MTAP: variants seen among roughly 807,000 people sequenced by gnomAD.
MTAP encodes methylthioadenosine phosphorylase.
Under a neutral mutation model 33.6 loss-of-function variants are expected in MTAP, and 33 were observed. That is an observed-to-expected ratio of 0.98 (90% CI 0.74 to 1.31). The LOEUF (loss-of-function observed/expected upper bound fraction) is 1.31. Ranked by LOEUF, MTAP falls within the 40% of genes most tolerant of loss-of-function variation. The pLI, the probability that MTAP is intolerant of heterozygous loss-of-function variation, is 0.00. For missense variants in MTAP, 367 were observed against 360.0 expected, an observed-to-expected ratio of 1.02 and a Z score of -0.16; for synonymous variants, 148 against 125.7, an observed-to-expected ratio of 1.18 and a Z score of -1.19.
chr9:21,939,066 C>G (rs539474420), downstream of MTAP, among the ~76,000 whole-genome samples: 5 of 152,148 alleles, frequency 3.3e-5, no homozygotes, highest in Non-Finnish European at 7.3e-5. Flanking sequence ...TCTGGTCTTT[C>G]CCATGCTATT....
At chr9:21,837,864 C>T (rs1447083037) in intron 4 of MTAP, 44 bp from the exon 5 acceptor site, 7 of 1,547,252 alleles carry the variant, frequency 4.5e-6, no homozygotes, top group Middle Eastern at 1.7e-4. Context: ...GAAAGATGGC[C>T]TTAAAATAAA....
In MTAP at chr9:21,885,201, C is replaced by T. The variant is rs1451159685; in HGVS notation, c.147+30331C>T. 3.9e-5 allele frequency among the ~76,000 whole-genome samples: 6 copies of T among 152,218 alleles called. No individual in the cohort carries two copies. In the East Asian group the frequency reaches 1.2e-3, roughly 29 times the overall value. Reference sequence around the variant, plus strand: ...GGAAACAACAAAATCCAGCCATGCCCACCCAGAGATTTTATAGGCAAAGTA... The same window carrying T: ...GGAAACAACAAAATCCAGCCATGCCTACCCAGAGATTTTATAGGCAAAGTA... On this transcript the variant is annotated intron_variant, in intron 1 of 1. Coordinates refer to the MTAP transcript ENST00000577563.
At chr9:21,935,623 T>C (rs1427913148), downstream of MTAP, 2 of 152,224 alleles carry the variant, frequency 1.3e-5, no homozygotes, top group Non-Finnish European at 2.9e-5. Flanking sequence ...ATACTTTATA[T>C]AGTTCAGACT....
At chr9:21,850,745 C>T (rs1825490524) in intron 5 of MTAP, among the ~76,000 whole-genome samples, 2 of 152,210 alleles carry the variant, frequency 1.3e-5, no homozygotes, top group Non-Finnish European at 2.9e-5. Context: ...ACCATGCGAC[C>T]TGAACTGCCT....
chr9:21,913,229 C>T (rs1024918594), intron 1 of MTAP, among the ~76,000 whole-genome samples: 1 of 152,222 alleles, frequency 6.6e-6, no homozygotes, highest in East Asian at 1.9e-4. Flanking sequence ...AATTCAATGC[C>T]ATCCCCATCA....
rs1236262298 is a variant in MTAP at position 21,818,581 on chromosome 9, G to A, written c.347+379G>A. Among the ~76,000 whole-genome samples the A allele has an allele frequency of 3.3e-5, 5 of 152,212 alleles. No individual in the cohort carries two copies. The East Asian group carries it at 7.7e-4, about 24-fold the overall frequency. ...AGATCACCCGCCTCCGCCTCCCAAA[G>A]CGCAAAGTGCTGGGATTACAGGCGT... On this transcript the variant is annotated intron_variant, in intron 4 of 7. Coordinates refer to ENST00000644715, the MANE Select transcript of MTAP (RefSeq NM_002451.4).
At chr9:21,893,874 A>G (rs1563861807) in intron 1 of MTAP, 2 of 151,684 alleles carry the variant, frequency 1.3e-5, no homozygotes, top group African/African-American at 2.4e-5. Flanking sequence ...AAAAAAATCA[A>G]AGGAGGAGGG....
intron 2 of MTAP, 111 bp downstream of exon 2, chr9:21,815,630 G>A (rs1824455707): frequency 1.3e-6 from 1 of 799,024 alleles, no homozygotes; most frequent in Non-Finnish European, 2.0e-6. Context: ...TGGCAGCCCA[G>A]GGCTGTCTGC....
At chr9:21,838,335 A>G (rs917852823) in intron 5 of MTAP, among the ~76,000 whole-genome samples, 2 of 152,204 alleles carry the variant, frequency 1.3e-5, no homozygotes, top group Non-Finnish European at 2.9e-5. Context: ...TTAGGATCAA[A>G]TCTCTGCTCT....
intron 1 of MTAP, among the ~76,000 whole-genome samples, chr9:21,874,623 C>T (rs111401229): frequency 2.5e-4 from 38 of 151,674 alleles, no homozygotes; most frequent in East Asian, 7.7e-4. Context: ...TAGTTTCTTC[C>T]GCTGTGCAGA....
chr9:21,896,676 A>C (rs1049010531), intron 1 of MTAP, among the ~76,000 whole-genome samples: 41 of 152,306 alleles, frequency 2.7e-4, no homozygotes, highest in African/African-American at 9.9e-4. Context: ...TCCCAAGACT[A>C]AACCAGGAAG....
At chr9:21,909,401 A>G (rs1198033036) in intron 1 of MTAP, among the ~76,000 whole-genome samples, 1 of 151,914 alleles carries the variant, frequency 6.6e-6, no homozygotes, top group Non-Finnish European at 1.5e-5. Context: ...TATATAGTCC[A>G]TATAGAATTA....
chr9:21,818,301 G>A (rs1587205508), intron 4 of MTAP, 99 bp downstream of exon 4: 1 of 661,436 alleles, frequency 1.5e-6, no homozygotes, highest in Non-Finnish European at 2.5e-6. Flanking sequence ...GGAGGGCAGT[G>A]CCACAGACTC....
chr9:21,838,091 G>A, intron 5 of MTAP, 81 bp downstream of exon 5: 1 of 1,150,974 alleles, frequency 8.7e-7, no homozygotes, highest in Non-Finnish European at 1.3e-6. Context: ...AATTGGCAGA[G>A]CGAGTGGCCC....
rs564263492 is a variant in MTAP, at chr9:21,911,697, C to A, written c.148-19311C>A. On this transcript the variant is annotated intron_variant, in intron 1 of 1. Coordinates refer to the MTAP transcript ENST00000577563. The stretch of plus-strand genomic sequence containing the variant: ...AAGCAGGAAAGATCTAAAATTGACA[C>A]CCTAACATCACAATTAAAAGAACTA... Among the ~76,000 whole-genome samples, 13 of 152,082 alleles carry A rather than the reference C, an allele frequency of 8.5e-5. No homozygotes were observed. In the South Asian group the frequency reaches 2.5e-3, roughly 29 times the overall value.
chr9:21,871,697 C>G (rs1377570903), downstream of MTAP, among the ~76,000 whole-genome samples: 3 of 152,070 alleles, frequency 2.0e-5, no homozygotes, highest in Non-Finnish European at 2.9e-5. Flanking sequence ...ACCTCAAATC[C>G]CTTCTTCCCA....
intron 1 of MTAP, among the ~76,000 whole-genome samples, chr9:21,928,064 T>C (rs563937605): frequency 2.6e-5 from 4 of 152,150 alleles, no homozygotes; most frequent in Non-Finnish European, 4.4e-5. Context: ...TTTACTCCCC[T>C]CTCTCCCCAG....
intron 2 of MTAP, 84 bp from the exon 3 acceptor site, chr9:21,816,630 G>C: frequency 8.8e-7 from 1 of 1,141,638 alleles, no homozygotes; most frequent in South Asian, 1.4e-5. Flanking sequence ...CAGATTCCAT[G>C]AGTCCTGTTG....
chr9:21,848,248 G>T (rs1825428524), intron 5 of MTAP, among the ~76,000 whole-genome samples: 2 of 152,252 alleles, frequency 1.3e-5, no homozygotes, highest in South Asian at 2.1e-4. Context: ...GTTCCAGCAG[G>T]CCCCTAGAGG....
Sources: gnomAD v4.1 joint callset for allele counts (sites outside exome capture counted in the v4.1 genomes callset) on GRCh38, gnomAD v4.1.1 for gene constraint, MANE v1.5 for transcripts, NCBI Gene and HGNC (gene_info 2026-07-23, HGNC 2026-07-21) for gene names.